Variants in BTBD10 observed in about 807,000 individuals in gnomAD.
BTBD10 encodes BTB domain containing 10, also known as BTB/POZ domain-containing protein 10.
A neutral mutation model predicts 53.2 loss-of-function variants in BTBD10; 21 were observed. The ratio of observed to expected loss-of-function variants is 0.39; its 90% CI spans 0.28 to 0.57. The LOEUF is 0.57. Ranked by LOEUF, BTBD10 falls within the 20% of genes least tolerant of loss-of-function variation. BTBD10 has a pLI of 0.53. For synonymous variants in BTBD10, 149 were observed against 192.7 expected (o/e 0.77, Z 1.88); for missense variants, 360 against 594.7 (o/e 0.61, Z 4.10).
chr11:13,459,041 TA>T (rs1163775101), intron 1 of BTBD10, among the ~76,000 whole-genome samples: 2 of 145,748 alleles, frequency 1.4e-5, no homozygotes, highest in African/African-American at 2.6e-5. Context: ...TTTATTTATT[TA>T]TTTTTTTATT....
At chr11:13,404,864 G>C (rs1471750158) in intron 7 of BTBD10, among the ~76,000 whole-genome samples, 1 of 152,076 alleles carries the variant, frequency 6.6e-6, no homozygotes, top group Non-Finnish European at 1.5e-5. Flanking sequence ...TTTTAGAAAA[G>C]CATATGTAAA....
At chr11:13,446,967 A>G (rs1487690247) in intron 1 of BTBD10, among the ~76,000 whole-genome samples, 1 of 152,142 alleles carries the variant, frequency 6.6e-6, no homozygotes, top group East Asian at 1.9e-4. Flanking sequence ...TCACCAAAAG[A>G]GATGCAAAAG....
At chr11:13,447,700 C>T (rs1224442939) in intron 1 of BTBD10, among the ~76,000 whole-genome samples, 1 of 152,094 alleles carries the variant, frequency 6.6e-6, no homozygotes, top group Admixed American at 6.6e-5. Context: ...AATGAATGTT[C>T]AGATAAAGGT....
intron 2 of BTBD10, among the ~76,000 whole-genome samples, chr11:13,435,083 T>G (rs1454035448): frequency 6.6e-6 from 1 of 152,228 alleles, no homozygotes; most frequent in Non-Finnish European, 1.5e-5. Flanking sequence ...TACATAAGTC[T>G]AAAGTTCAGG....
intron 1 of BTBD10, among the ~76,000 whole-genome samples, chr11:13,445,839 CACTT>C (rs1334819562): frequency 4.6e-5 from 7 of 152,130 alleles, no homozygotes; most frequent in African/African-American, 1.7e-4. Flanking sequence ...TAAGGAAACT[CACTT>C]AACAACAGCT....
intron 1 of BTBD10, among the ~76,000 whole-genome samples, chr11:13,459,192 G>T (rs1236899862): frequency 1.3e-5 from 2 of 150,096 alleles, no homozygotes; most frequent in Non-Finnish European, 1.5e-5. Context: ...AAGTAGCTGG[G>T]ACTACAGGCG....
chr11:13,436,494 C>A (rs116232566), intron 2 of BTBD10, among the ~76,000 whole-genome samples: 2,212 of 152,256 alleles, frequency 0.015, 51 homozygotes, highest in African/African-American at 0.05. Context: ...AACAACAATG[C>A]GAACACTTGG....
At chr11:13,406,486 C>T (rs1949830692) in intron 6 of BTBD10, among the ~76,000 whole-genome samples, 1 of 151,968 alleles carries the variant, frequency 6.6e-6, no homozygotes, top group African/African-American at 2.4e-5. Context: ...ATGCCAACAT[C>T]TCAAGAACTA....
chr11:13,390,257 C>T (rs1949371385), intron 8 of BTBD10, among the ~76,000 whole-genome samples: 1 of 152,094 alleles, frequency 6.6e-6, no homozygotes, highest in African/African-American at 2.4e-5. Flanking sequence ...GCTTGTAGGC[C>T]ACATGGTTTC....
At chr11:13,394,200 A>G (rs1418676985) in intron 8 of BTBD10, among the ~76,000 whole-genome samples, 1 of 152,188 alleles carries the variant, frequency 6.6e-6, no homozygotes, top group Non-Finnish European at 1.5e-5. Context: ...ACCCACAGAT[A>G]TGGTTTGGCT....
chr11:13,441,508 A>G (rs971617704), intron 2 of BTBD10, among the ~76,000 whole-genome samples: 4 of 152,262 alleles, frequency 2.6e-5, no homozygotes, highest in African/African-American at 7.2e-5. Flanking sequence ...TAAAGTACCT[A>G]AAGTTGTTTA....
intron 2 of BTBD10, among the ~76,000 whole-genome samples, chr11:13,435,373 C>T (rs1950528148): frequency 6.6e-6 from 1 of 152,064 alleles, no homozygotes; most frequent in African/African-American, 2.4e-5. Flanking sequence ...CAATATTTTT[C>T]AAGCAATGCT....
intron 1 of BTBD10, among the ~76,000 whole-genome samples, chr11:13,453,349 G>A (rs1950902801): frequency 1.3e-5 from 2 of 152,088 alleles, no homozygotes; most frequent in African/African-American, 4.8e-5. Context: ...GCTTGTATAT[G>A]TTAAGATAAA....
intron 1 of BTBD10, chr11:13,462,509 G>A (rs1182506161): frequency 1.3e-5 from 2 of 152,220 alleles, no homozygotes; most frequent in East Asian, 3.8e-4. Context: ...ACTAACCGAT[G>A]TCTCACCTTC....
intron 2 of BTBD10, among the ~76,000 whole-genome samples, chr11:13,427,462 G>C (rs1360536991): frequency 1.3e-5 from 2 of 152,166 alleles, no homozygotes; most frequent in East Asian, 1.9e-4. Context: ...CCTCATGAGA[G>C]AGCTTCAAAA....
chr11:13,444,108 A>T (rs1950712389), intron 2 of BTBD10, among the ~76,000 whole-genome samples: 1 of 152,216 alleles, frequency 6.6e-6, no homozygotes, highest in Non-Finnish European at 1.5e-5. Flanking sequence ...ATAAAAGTGA[A>T]CATATTATCA....
At chr11:13,400,641 C>T (rs1478142715) in intron 8 of BTBD10, among the ~76,000 whole-genome samples, 6 of 152,210 alleles carry the variant, frequency 3.9e-5, no homozygotes, top group Admixed American at 2.0e-4. Flanking sequence ...GCGTCGCTCA[C>T]GCTGGAAGCT....
At chr11:13,403,119 CT>C in intron 8 of BTBD10, 48 bp downstream of exon 8, 1 of 1,171,206 alleles carries the variant, frequency 8.5e-7, no homozygotes, top group South Asian at 1.4e-5. Flanking sequence ...TGTTTTTAAC[CT>C]TTTTGTTTTA....
chr11:13,404,492 T>C, intron 7 of BTBD10: 1 of 520,108 alleles, frequency 1.9e-6, no homozygotes, highest in African/African-American at 2.1e-5. Context: ...GTCAAACCTT[T>C]TGAAAAGTAA....
Sources: allele counts gnomAD v4.1 joint callset (sites outside exome capture counted in the v4.1 genomes callset), GRCh38; gene constraint gnomAD v4.1.1; transcripts MANE v1.5; gene names NCBI Gene and HGNC (gene_info 2026-07-23, HGNC 2026-07-21).